Variants in CACNB2 observed in about 807,000 individuals in gnomAD.
The protein encoded by CACNB2 is calcium voltage-gated channel auxiliary subunit beta 2.
A neutral mutation model predicts 73.3 loss-of-function variants in CACNB2; 42 were observed. That is an observed-to-expected ratio of 0.57 (90% CI 0.45 to 0.74). The LOEUF (loss-of-function observed/expected upper bound fraction) is 0.74. CACNB2 is among the 30% of genes least tolerant of loss of function. The pLI, the probability that CACNB2 is intolerant of heterozygous loss-of-function variation, is 0.00. For missense variants in CACNB2, 940 were observed against 853.0 expected (o/e 1.10, Z -1.27); for synonymous variants, 348 against 310.3 (o/e 1.12, Z -1.28).
intron 3 of CACNB2, among the ~76,000 whole-genome samples, chr10:18,462,142 G>A (rs192900326): frequency 6.6e-6 from 1 of 152,262 alleles, no homozygotes; most frequent in East Asian, 1.9e-4. Context: ...CCAGAGCTTT[G>A]TAAAATGTCC....
intron 3 of CACNB2, among the ~76,000 whole-genome samples, chr10:18,483,027 A>G (rs1352668169): frequency 1.3e-5 from 2 of 152,134 alleles, no homozygotes. Context: ...CAGAGCAACA[A>G]TTGGTCACTA....
At chr10:18,164,591 A>G (rs1319625703) in intron 2 of CACNB2, among the ~76,000 whole-genome samples, 1 of 151,934 alleles carries the variant, frequency 6.6e-6, no homozygotes, top group Non-Finnish European at 1.5e-5. Flanking sequence ...GGCTCTTGCA[A>G]TTAATACAAG....
At position 18,335,571 on chromosome 10, in the gene CACNB2, C is replaced by T. The variant is rs544713138; in HGVS notation, c.214-66353C>T. Among the ~76,000 whole-genome samples the T allele has an allele frequency of 1.4e-4, 21 of 152,158 alleles. No individual in the cohort carries two copies. In the South Asian group the frequency reaches 2.3e-3, roughly 17 times the overall value. ...ACGCTCTCCAGCCTGGGCAACAGAG[C>T]GAGACTCTGTCTCAAAAAAATATAT... On this transcript the variant is annotated intron_variant, in intron 2 of 13. Transcript: ENST00000324631.
chr10:18,220,699 G>C (rs1299924260), intron 2 of CACNB2, among the ~76,000 whole-genome samples: 1 of 152,174 alleles, frequency 6.6e-6, no homozygotes, highest in Non-Finnish European at 1.5e-5. Flanking sequence ...TGCAGCCTGA[G>C]CTCCACCTCC....
intron 3 of CACNB2, among the ~76,000 whole-genome samples, chr10:18,463,968 T>C (rs1050151930): frequency 1.3e-5 from 2 of 151,966 alleles, no homozygotes; most frequent in African/African-American, 4.8e-5. Flanking sequence ...CAGATATTCC[T>C]CCCACAGCTC....
At chr10:18,304,209 G>A (rs111449941) in intron 2 of CACNB2, among the ~76,000 whole-genome samples, 16,091 of 152,212 alleles carry the variant, frequency 0.11, 1,003 homozygotes, top group Middle Eastern at 0.15. Flanking sequence ...TCCTGACTCA[G>A]CCTCCCAAAG....
chr10:18,481,230 A>T (rs11014444), intron 3 of CACNB2, among the ~76,000 whole-genome samples: 2,247 of 17,972 alleles, frequency 0.13, 257 homozygotes, highest in Middle Eastern at 0.25. Flanking sequence ...ATATATATAT[A>T]TTTTTTTTTT....
intron 2 of CACNB2, among the ~76,000 whole-genome samples, chr10:18,295,543 C>G (rs1259616519): frequency 6.6e-6 from 1 of 152,176 alleles, no homozygotes; most frequent in Non-Finnish European, 1.5e-5. Context: ...CTACATATAA[C>G]AATGATTACT....
At chr10:18,240,906 T>A (rs1757200) in intron 2 of CACNB2, among the ~76,000 whole-genome samples, 2,535 of 152,064 alleles carry the variant, frequency 0.017, 52 homozygotes, top group East Asian at 0.11. Flanking sequence ...TGGCACTTAC[T>A]CAGAGTAATC....
chr10:18,477,879 C>T (rs2048519492), intron 3 of CACNB2, among the ~76,000 whole-genome samples: 1 of 152,158 alleles, frequency 6.6e-6, no homozygotes, highest in South Asian at 2.1e-4. Context: ...TTGCATGGCT[C>T]AGCTTTCAGC....
intron 1 of CACNB2, among the ~76,000 whole-genome samples, chr10:18,150,330 C>T (rs915149001): frequency 2.0e-5 from 3 of 152,186 alleles, no homozygotes; most frequent in Non-Finnish European, 4.4e-5. Flanking sequence ...AAGACGACAT[C>T]CATTGTTTTA....
At chr10:18,373,407 A>G (rs1457441666) in intron 2 of CACNB2, among the ~76,000 whole-genome samples, 1 of 152,236 alleles carries the variant, frequency 6.6e-6, no homozygotes, top group Non-Finnish European at 1.5e-5. Flanking sequence ...TGATGATAGC[A>G]GCTATTATTT....
chr10:18,534,137 C>T lies in CACNB2; in HGVS notation c.1116C>T (p.Val372=). 6.2e-7 allele frequency: 1 copy of T among 1,613,824 alleles called. No individual in the cohort carries two copies. The highest frequency in any genetic ancestry group is 2.2e-5 in the East Asian group (1 of 44,864). ...FELARTLQLV[V]LDADTINHPA... is the part of the protein sequence containing the mutation. The stretch of plus-strand genomic sequence containing the variant: ...TTGCAAGAACATTGCAGTTGGTGGT[C>T]CTTGACGCGGATACAATTAATCATC... Residue 372 remains valine, a synonymous_variant, in exon 11 of 14, where the codon GTC becomes GTT. Transcript: ENST00000324631.
chr10:18,280,639 AC>A (rs1352803544), intron 2 of CACNB2, among the ~76,000 whole-genome samples: 1 of 152,192 alleles, frequency 6.6e-6, no homozygotes, highest in Non-Finnish European at 1.5e-5. Context: ...GTACAACTGT[AC>A]ATGGCAGCCC....
intron 2 of CACNB2, among the ~76,000 whole-genome samples, chr10:18,264,684 C>T (rs2037709788): frequency 1.3e-5 from 2 of 152,170 alleles, no homozygotes; most frequent in African/African-American, 4.8e-5. Context: ...CACGTGGCTG[C>T]ACATAGTTAA....
chr10:18,316,518 C>T (rs900920959), intron 2 of CACNB2, among the ~76,000 whole-genome samples: 2 of 151,230 alleles, frequency 1.3e-5, no homozygotes, highest in Non-Finnish European at 2.9e-5. Flanking sequence ...GGCTAGACTG[C>T]AGTGGTGTGG....
chr10:18,189,955 C>T (rs76958582), intron 2 of CACNB2, among the ~76,000 whole-genome samples: 244 of 152,270 alleles, frequency 1.6e-3, no homozygotes, highest in African/African-American at 5.4e-3. Flanking sequence ...TGTTTTTAGA[C>T]AGTTGAGTTC....
At chr10:18,503,345 C>A (rs534844630) in intron 5 of CACNB2, among the ~76,000 whole-genome samples, 1 of 152,178 alleles carries the variant, frequency 6.6e-6, no homozygotes, top group African/African-American at 2.4e-5. Context: ...GCCTGTAATC[C>A]CAGCACTTTG....
chr10:18,418,173 C>T (rs2045106892), intron 3 of CACNB2, among the ~76,000 whole-genome samples: 2 of 152,220 alleles, frequency 1.3e-5, no homozygotes, highest in Admixed American at 6.5e-5. Context: ...CTCCCATGTT[C>T]AGGCGATTCT....
Sources: allele counts gnomAD v4.1 joint callset (sites outside exome capture counted in the v4.1 genomes callset), GRCh38; gene constraint gnomAD v4.1.1; transcripts MANE v1.5; gene names NCBI Gene and HGNC (gene_info 2026-07-23, HGNC 2026-07-21).